VAT1L: variants seen among roughly 807,000 people sequenced by gnomAD.
VAT1L encodes the protein vesicle amine transport 1 like.
Under a neutral mutation model 44.1 loss-of-function variants are expected in VAT1L, and 34 were observed. The ratio of observed to expected loss-of-function variants is 0.77; its 90% CI spans 0.59 to 1.03. The LOEUF is 1.03. VAT1L is among the 50% of genes least tolerant of loss of function. The pLI is 0.00. For synonymous variants in VAT1L, 253 were observed against 202.2 expected (o/e 1.25, Z -2.13); for missense variants, 615 against 538.8 (o/e 1.14, Z -1.40).
chr16:77,831,293 T>G (rs1320504122), intron 3 of VAT1L, among the ~76,000 whole-genome samples: 1 of 152,134 alleles, frequency 6.6e-6, no homozygotes, highest in African/African-American at 2.4e-5. Flanking sequence ...ATATAGTCTA[T>G]AAATGGTAAG....
At chr16:77,865,111 C>G (rs2016959024) in intron 4 of VAT1L, among the ~76,000 whole-genome samples, 1 of 151,720 alleles carries the variant, frequency 6.6e-6, no homozygotes, top group Admixed American at 6.6e-5. Flanking sequence ...GTAGCTGGGA[C>G]TACAGGCACC....
intron 3 of VAT1L, 84 bp from the exon 4 acceptor site, chr16:77,862,664 G>A: frequency 8.3e-7 from 1 of 1,208,512 alleles, no homozygotes. Flanking sequence ...AGTGCCGATG[G>A]AGAAATCCTG....
chr16:77,815,691 G>A, intron 1 of VAT1L, among the ~76,000 whole-genome samples: 1 of 152,008 alleles, frequency 6.6e-6, no homozygotes, highest in Non-Finnish European at 1.5e-5. Context: ...CAAGTTGGCT[G>A]GGCACAGTGG....
intron 7 of VAT1L, among the ~76,000 whole-genome samples, chr16:77,889,045 G>A (rs1319258160): frequency 1.3e-5 from 2 of 152,196 alleles, no homozygotes; most frequent in Admixed American, 6.5e-5. Context: ...CAGCTCTTCT[G>A]GGCTTGAGGA....
At position 77,788,826 on chromosome 16, in the gene VAT1L, T is replaced by A; in HGVS notation, c.144T>A (p.Ala48=). The change falls in exon 1 of 9, where the codon GCT becomes GCA. Residue 48 remains alanine (A), a synonymous_variant. Transcript: ENST00000302536. ...DAQEMRAVVL[A]GFGGLNKLRL... is the part of the protein sequence containing the mutation. Reference sequence around the variant, plus strand: ...AGGAGATGCGCGCGGTGGTGCTGGCTGGCTTCGGGGGGCTCAACAAGCTGC... The same window carrying A: ...AGGAGATGCGCGCGGTGGTGCTGGCAGGCTTCGGGGGGCTCAACAAGCTGC... 1 of 1,579,556 alleles carries A rather than the reference T, an allele frequency of 6.3e-7. No homozygotes were observed.
chr16:77,968,256 G>A (rs2018243913), intron 7 of VAT1L, among the ~76,000 whole-genome samples: 1 of 152,072 alleles, frequency 6.6e-6, no homozygotes, highest in South Asian at 2.1e-4. Context: ...CCCCAAGACA[G>A]GGCTCTTGGG....
chr16:77,834,712 A>C (rs2016619908), intron 3 of VAT1L, among the ~76,000 whole-genome samples: 1 of 152,044 alleles, frequency 6.6e-6, no homozygotes, highest in Non-Finnish European at 1.5e-5. Context: ...ATCTTAAATC[A>C]CTAAGATTCC....
chr16:77,901,407 G>A (rs1212402986), intron 7 of VAT1L, among the ~76,000 whole-genome samples: 1 of 151,666 alleles, frequency 6.6e-6, no homozygotes, highest in Non-Finnish European at 1.5e-5. Flanking sequence ...CTTGTGATCC[G>A]CCCGCCTCCG....
intron 1 of VAT1L, among the ~76,000 whole-genome samples, chr16:77,798,585 G>C (rs1016538455): frequency 1.3e-5 from 2 of 152,254 alleles, no homozygotes; most frequent in East Asian, 3.9e-4. Context: ...TAATGGTGGG[G>C]AGGAGGTACA....
At chr16:77,867,485 CATGTA>C in intron 4 of VAT1L, among the ~76,000 whole-genome samples, 1 of 152,088 alleles carries the variant, frequency 6.6e-6, no homozygotes, top group Non-Finnish European at 1.5e-5. Context: ...TTCATTCATT[CATGTA>C]GAGATGCTTC....
At chr16:77,817,887 T>C (rs2016383395) in intron 2 of VAT1L, among the ~76,000 whole-genome samples, 1 of 152,124 alleles carries the variant, frequency 6.6e-6, no homozygotes, top group South Asian at 2.1e-4. Context: ...AGTGCTCCCC[T>C]AGGGAGGAAT....
intron 3 of VAT1L, among the ~76,000 whole-genome samples, chr16:77,856,101 G>A (rs1202633270): frequency 6.6e-6 from 1 of 152,122 alleles, no homozygotes; most frequent in Non-Finnish European, 1.5e-5. Context: ...AGATTCAAAG[G>A]ATATAAGGAA....
intron 7 of VAT1L, among the ~76,000 whole-genome samples, chr16:77,922,826 T>C (rs1243494282): frequency 6.6e-6 from 1 of 152,214 alleles, no homozygotes; most frequent in African/African-American, 2.4e-5. Context: ...TTTGCCTGAC[T>C]TTCCAACCCA....
chr16:77,896,531 C>G (rs566718254), intron 7 of VAT1L, among the ~76,000 whole-genome samples: 1 of 152,324 alleles, frequency 6.6e-6, no homozygotes, highest in South Asian at 2.1e-4. Flanking sequence ...GCTGTCATTA[C>G]AGGGCATTGC....
intron 7 of VAT1L, among the ~76,000 whole-genome samples, chr16:77,893,715 T>C (rs2017292094): frequency 6.6e-6 from 1 of 152,198 alleles, no homozygotes; most frequent in Admixed American, 6.5e-5. Flanking sequence ...GGTATTATTA[T>C]CCCCATCTTA....
chr16:77,902,901 C>T (rs903224190), intron 7 of VAT1L, among the ~76,000 whole-genome samples: 10 of 144,644 alleles, frequency 6.9e-5, no homozygotes, highest in East Asian at 2.1e-4. Context: ...TGAACCCGGG[C>T]GGCTGAGATT....
chr16:77,792,338 C>G lies in VAT1L; in HGVS notation c.233+3423C>G, dbSNP rs2015849736. On this transcript the variant is annotated intron_variant, in intron 1 of 8. Transcript: ENST00000302536. ...AGCTTCCTAGACATGAGTCCCAGCT[C>G]TGATACTTGCTAACTGGATGTCTTA... 2.0e-5 allele frequency among the ~76,000 whole-genome samples: 3 copies of G among 152,136 alleles called. No homozygotes were observed. The South Asian group carries it at 6.2e-4, about 32-fold the overall frequency.
chr16:77,936,600 G>A (rs1378393360), intron 7 of VAT1L, among the ~76,000 whole-genome samples: 1 of 152,134 alleles, frequency 6.6e-6, no homozygotes, highest in African/African-American at 2.4e-5. Flanking sequence ...GAAAAAAAGG[G>A]GAAACAGAGA....
intron 3 of VAT1L, among the ~76,000 whole-genome samples, chr16:77,849,845 G>A (rs542991106): frequency 3.9e-5 from 6 of 152,330 alleles, no homozygotes; most frequent in African/African-American, 7.2e-5. Flanking sequence ...AACCTCAGCC[G>A]CAGGATCTGA....
Sources: gnomAD v4.1 joint callset for allele counts (sites outside exome capture counted in the v4.1 genomes callset) on GRCh38, gnomAD v4.1.1 for gene constraint, MANE v1.5 for transcripts, NCBI Gene and HGNC (gene_info 2026-07-23, HGNC 2026-07-21) for gene names.